Variants in NHSL1 observed in about 807,000 individuals in gnomAD.
NHSL1 encodes NHS like 1.
In NHSL1, 48 loss-of-function variants were observed where a neutral mutation model predicts 95.0. The ratio of observed to expected loss-of-function variants is 0.51; its 90% CI spans 0.40 to 0.64. The LOEUF is 0.64. NHSL1 is among the 30% of genes least tolerant of loss of function. NHSL1 has a pLI of 0.00. For synonymous variants in NHSL1, 783 were observed against 833.9 expected (o/e 0.94, Z 1.05); for missense variants, 1,971 against 2,077.7 (o/e 0.95, Z 1.00).
intron 1 of NHSL1, among the ~76,000 whole-genome samples, chr6:138,647,726 G>A (rs139343830): frequency 2.4e-3 from 364 of 150,712 alleles, no homozygotes; most frequent in African/African-American, 8.6e-3. Context: ...TCCGCCTCCC[G>A]AGTAGCTGGG....
chr6:138,668,694 G>C (rs1228558686), intron 1 of NHSL1, among the ~76,000 whole-genome samples: 1 of 145,640 alleles, frequency 6.9e-6, no homozygotes, highest in Non-Finnish European at 1.5e-5. Context: ...GCGCAGTCTC[G>C]GCTCACTGCA....
chr6:138,425,503 C>T (rs867730692), intron 7 of NHSL1, among the ~76,000 whole-genome samples: 16 of 152,316 alleles, frequency 1.1e-4, no homozygotes, highest in Middle Eastern at 6.8e-3. Context: ...TCATTAATTA[C>T]GGTCACCCTT....
intron 1 of NHSL1, among the ~76,000 whole-genome samples, chr6:138,534,732 T>A (rs1256281867): frequency 6.6e-6 from 1 of 152,134 alleles, no homozygotes; most frequent in Admixed American, 6.5e-5. Context: ...GTGGCTGCAT[T>A]TAGTACACAG....
Position 138,453,355 on chromosome 6 carries a change from TTTG to T in NHSL1, c.340-6165_340-6163del, listed in dbSNP as rs760777746. The stretch of plus-strand genomic sequence containing the variant: ...CTTTATCAAGAGCTTTAAACTTTCT[TTTG>T]TTGTTGTTGTTTTTGAGATGAGGTC... On this transcript the variant is annotated intron_variant, in intron 3 of 7. Transcript: ENST00000343505. Among the ~76,000 whole-genome samples the T allele has an allele frequency of 1.7e-4, 26 of 151,704 alleles. 1 individual carries two copies. The highest frequency in any genetic ancestry group is 1.9e-4 in the East Asian group (1 of 5,152).
chr6:138,538,180 G>T (rs1470253482), intron 1 of NHSL1, among the ~76,000 whole-genome samples: 1 of 152,134 alleles, frequency 6.6e-6, no homozygotes, highest in African/African-American at 2.4e-5. Context: ...AAAAAGAAGG[G>T]ACTTGAGCTT....
At chr6:138,659,958 C>T (rs906738784) in intron 1 of NHSL1, among the ~76,000 whole-genome samples, 2 of 152,170 alleles carry the variant, frequency 1.3e-5, no homozygotes, top group African/African-American at 4.8e-5. Flanking sequence ...TCAAATAATC[C>T]ACCTGCCTTG....
rs1384259304 is a variant in NHSL1, at chr6:138,472,458, C to A, written c.339+848G>T. On this transcript the variant is annotated intron_variant, in intron 3 of 7. Transcript: ENST00000343505. ...ACTATTATTTTATTCTCTGAAGTTA[C>A]CTATTTGAGGAAAAGGACAATAAAT... Among the ~76,000 whole-genome samples the A allele has an allele frequency of 2.0e-5, 3 of 151,708 alleles. No individual in the cohort carries two copies. The Admixed American group carries it at 2.0e-4, about 10-fold the overall frequency.
intron 6 of NHSL1, 104 bp from the exon 7 acceptor site, chr6:138,429,947 A>T (rs1775521521): frequency 8.4e-7 from 1 of 1,192,786 alleles, no homozygotes; most frequent in Non-Finnish European, 1.2e-6. Context: ...CGACAATGTG[A>T]GAACCACAGG....
rs1775000442 is a variant in NHSL1, at chr6:138,422,824, AT to A, written c.*1256del. 2.0e-5 allele frequency: 3 copies of A among 152,202 alleles called. No homozygotes were observed. In the South Asian group the frequency reaches 6.2e-4, roughly 32 times the overall value. 9.4% of individuals were successfully genotyped at this position (152,202 alleles called of 1,614,324 possible). On this transcript the variant is annotated 3_prime_UTR_variant, in exon 8 of 8. Coordinates refer to ENST00000343505, the MANE Select transcript of NHSL1 (RefSeq NM_001144060.2). ...AAAAACCTTTTTAATCTAAAAATTC[AT>A]TTCCCAGGGCTAATTGATAGCCAGG...
intron 3 of NHSL1, among the ~76,000 whole-genome samples, chr6:138,460,759 A>G (rs1485220023): frequency 6.6e-6 from 1 of 151,428 alleles, no homozygotes; most frequent in East Asian, 1.9e-4. Flanking sequence ...TGTGTTAGAG[A>G]TTTCCTGTTA....
At chr6:138,578,265 T>C (rs774265847) in intron 1 of NHSL1, among the ~76,000 whole-genome samples, 3 of 152,232 alleles carry the variant, frequency 2.0e-5, no homozygotes, top group Non-Finnish European at 4.4e-5. Context: ...TCTGACATCC[T>C]AAGCCTTAGC....
At chr6:138,661,674 A>AAAG (rs1562405622) in intron 1 of NHSL1, among the ~76,000 whole-genome samples, 1 of 152,010 alleles carries the variant, frequency 6.6e-6, no homozygotes, top group Non-Finnish European at 1.5e-5. Context: ...ATAAAAAAAA[A>AAAG]AAAGAAAGAA....
At chr6:138,631,033 T>C (rs1416881086) in intron 1 of NHSL1, among the ~76,000 whole-genome samples, 1 of 152,178 alleles carries the variant, frequency 6.6e-6, no homozygotes, top group East Asian at 1.9e-4. Context: ...CAGCGTGGTA[T>C]GGACAGTGTT....
intron 3 of NHSL1, among the ~76,000 whole-genome samples, chr6:138,466,935 G>A (rs1778419209): frequency 6.6e-6 from 1 of 151,790 alleles, no homozygotes; most frequent in Admixed American, 6.6e-5. Flanking sequence ...AATCTACTAA[G>A]TATTGCTGGA....
At chr6:138,606,467 A>C (rs1273525828) in intron 1 of NHSL1, among the ~76,000 whole-genome samples, 1 of 152,200 alleles carries the variant, frequency 6.6e-6, no homozygotes, top group Non-Finnish European at 1.5e-5. Context: ...GTCATTCTTG[A>C]TCAATTAAAT....
chr6:138,457,165 A>T (rs1777668489), intron 3 of NHSL1, among the ~76,000 whole-genome samples: 1 of 152,092 alleles, frequency 6.6e-6, no homozygotes, highest in Non-Finnish European at 1.5e-5. Flanking sequence ...ACAGGCACAC[A>T]CTACCATGCC....
upstream of NHSL1, among the ~76,000 whole-genome samples, chr6:138,576,604 C>A (rs558363246): frequency 6.6e-6 from 1 of 152,256 alleles, no homozygotes; most frequent in East Asian, 1.9e-4. Context: ...CATAAACAGG[C>A]TTGTTTAAAT....
intron 1 of NHSL1, among the ~76,000 whole-genome samples, chr6:138,525,877 A>C (rs1278096437): frequency 6.6e-6 from 1 of 151,882 alleles, no homozygotes; most frequent in Non-Finnish European, 1.5e-5. Flanking sequence ...TAGGCAGATC[A>C]CCTGAGGTCA....
intron 1 of NHSL1, among the ~76,000 whole-genome samples, chr6:138,519,055 TAC>T (rs1449118734): frequency 1.4e-4 from 21 of 151,968 alleles, no homozygotes; most frequent in Admixed American, 5.2e-4. Flanking sequence ...AATAAATACA[TAC>T]ATACATACAT....
Sources: allele counts gnomAD v4.1 joint callset (sites outside exome capture counted in the v4.1 genomes callset), GRCh38; gene constraint gnomAD v4.1.1; transcripts MANE v1.5; gene names NCBI Gene and HGNC (gene_info 2026-07-23, HGNC 2026-07-21).